The following ARL17A variants were observed in gnomAD, a reference collection of about 807,000 sequenced individuals.
ARL17A encodes the protein ADP-ribosylation factor-like 17-like.
chr17:46,504,721 CAT>C, the ARL17A span: 1 of 43,688 alleles, frequency 2.3e-5, no homozygotes, highest in East Asian at 3.8e-3. Context: ...TTTTCAGACA[CAT>C]ATCAAGCCTT....
intron 3 of ARL17A, among the ~76,000 whole-genome samples, chr17:46,541,887 C>T (rs1398222045): frequency 6.7e-6 from 1 of 149,748 alleles, no homozygotes; most frequent in Non-Finnish European, 1.5e-5. Flanking sequence ...CAATCCCCTG[C>T]AGACACCGAG....
downstream of ARL17A, chr17:46,549,277 G>C (rs1366136118): frequency 1.2e-6 from 2 of 1,610,964 alleles, no homozygotes; most frequent in Middle Eastern, 1.7e-4. Flanking sequence ...TGCTCCTTCA[G>C]AACATTTTAT....
rs1240508151 is a variant in ARL17A, at chr17:46,558,123, G to A, written c.260-493C>T. Among the ~76,000 whole-genome samples the A allele has an allele frequency of 3.1e-5, 4 of 128,734 alleles. 1 individual carries two copies. Among genetic ancestry groups the A allele is most frequent in the South Asian group, 2.3e-4 (1 of 4,256 alleles). 84.5% of individuals were successfully genotyped at this position (128,734 alleles called of 152,430 possible). A position where few individuals can be genotyped will look rare whatever the true frequency, so the allele number is the denominator to read the frequency against. ...TGCTCAGTCTGGAATGCAATGGCAC[G>A]ATCTCAGCTCACTGCATCCTCCGCC... On this transcript the variant is annotated intron_variant, in intron 3 of 3. Coordinates refer to ENST00000336125, the MANE Select transcript of ARL17A (RefSeq NM_001113738.2).
intron 4 of ARL17A, among the ~76,000 whole-genome samples, chr17:46,534,191 GT>G (rs1401077215): frequency 1.3e-5 from 2 of 149,018 alleles, no homozygotes; most frequent in African/African-American, 5.1e-5. Flanking sequence ...TTTTGTTTTT[GT>G]TTTTGTTTTT....
At chr17:46,560,309 T>TA (rs2057486130) in intron 3 of ARL17A, 3 of 11,782 alleles carry the variant, frequency 2.5e-4, no homozygotes, top group African/African-American at 1.3e-3. Flanking sequence ...TAGTGCTAAG[T>TA]ATTTGGCTTG....
Position 46,553,881 on chromosome 17 carries a change from TG to T in ARL17A, c.*3474del. 1 of 493,524 alleles carries T rather than the reference TG, an allele frequency of 2.0e-6. No homozygotes were observed. The highest frequency in any genetic ancestry group is 2.5e-6 in the Non-Finnish European group (1 of 397,216). The allele number at this position is 493,524 out of a possible 1,614,324, so 30.6% of individuals were successfully genotyped here. ...TTTTGGTGCCTATTGCTGCTGATGG[TG>T]GGCATCAGGCCAGGCCAGGGGCCTT... On this transcript the variant is annotated 3_prime_UTR_variant, in exon 4 of 4. Transcript: ENST00000336125.
chr17:46,500,925 A>G, the ARL17A span, among the ~76,000 whole-genome samples: 1 of 151,146 alleles, frequency 6.6e-6, no homozygotes, highest in Non-Finnish European at 1.5e-5. Flanking sequence ...CATGCCTGTA[A>G]TCCCAGCACT....
intron 4 of ARL17A, among the ~76,000 whole-genome samples, chr17:46,532,771 G>A (rs1016508467): frequency 6.8e-6 from 1 of 147,662 alleles, no homozygotes; most frequent in Non-Finnish European, 1.5e-5. Flanking sequence ...AAGAACAATA[G>A]TAATGTCCCC....
chr17:46,501,189 C>T, the ARL17A span, among the ~76,000 whole-genome samples: 1 of 151,108 alleles, frequency 6.6e-6, no homozygotes, highest in African/African-American at 2.5e-5. Context: ...GCTATATTGA[C>T]TTGTTTTTGA....
At chr17:46,519,778 GT>G (rs2052047901) in intron 3 of ARL17A, among the ~76,000 whole-genome samples, 1 of 149,924 alleles carries the variant, frequency 6.7e-6, no homozygotes, top group African/African-American at 2.5e-5. Context: ...TAGTTCTCCA[GT>G]TTTTTTGATG....
intron 3 of ARL17A, among the ~76,000 whole-genome samples, chr17:46,545,844 T>C (rs1035083603): frequency 6.7e-6 from 1 of 150,258 alleles, no homozygotes; most frequent in African/African-American, 2.5e-5. Flanking sequence ...CTATTTTTAA[T>C]GCCCAGAGTA....
At chr17:46,545,551 G>A (rs1321729416) in intron 3 of ARL17A, among the ~76,000 whole-genome samples, 6 of 126,996 alleles carry the variant, frequency 4.7e-5, no homozygotes, top group African/African-American at 7.5e-5. Flanking sequence ...TCACCCAAAT[G>A]TGCATCAATG....
intron 3 of ARL17A, among the ~76,000 whole-genome samples, chr17:46,522,600 A>C (rs1027687253): frequency 1.3e-4 from 9 of 68,554 alleles, no homozygotes; most frequent in African/African-American, 5.8e-4. Context: ...ACGTGCCACT[A>C]GGCCCGGCTA....
chr17:46,575,007 A>C (rs1347894382), intron 2 of ARL17A, among the ~76,000 whole-genome samples: 1 of 74,832 alleles, frequency 1.3e-5, no homozygotes, highest in Admixed American at 1.3e-4. Flanking sequence ...GAGGCATGAG[A>C]ATCGCCTGAA....
At chr17:46,541,307 A>G (rs1202705430) in intron 3 of ARL17A, among the ~76,000 whole-genome samples, 1 of 149,882 alleles carries the variant, frequency 6.7e-6, no homozygotes, top group Non-Finnish European at 1.5e-5. Context: ...GCTGCAGTGC[A>G]GCGGCATGAC....
chr17:46,539,640 G>A (rs2054909154), intron 3 of ARL17A, among the ~76,000 whole-genome samples: 1 of 136,496 alleles, frequency 7.3e-6, no homozygotes, highest in Non-Finnish European at 1.6e-5. Context: ...GTGGGTGCCT[G>A]TAATCCCAGC....
At position 46,553,500 on chromosome 17, in the gene ARL17A, T is replaced by G. The variant is rs2057031702; in HGVS notation, c.*3856A>C. On this transcript the variant is annotated 3_prime_UTR_variant, in exon 4 of 4. Coordinates refer to ENST00000336125, the MANE Select transcript of ARL17A (RefSeq NM_001113738.2). Reference sequence around the variant, plus strand: ...TTTTCTTCTCTTTTGAGACGGAGTTTCCCTCTTGTTGCCAGGCTGGAGTGC... The same window carrying G: ...TTTTCTTCTCTTTTGAGACGGAGTTGCCCTCTTGTTGCCAGGCTGGAGTGC... 6.2e-7 allele frequency: 1 copy of G among 1,606,428 alleles called. No homozygotes were observed. The highest frequency in any genetic ancestry group is 8.5e-7 in the Non-Finnish European group (1 of 1,179,424).
At chr17:46,519,642 GAC>G (rs1469057658) in intron 3 of ARL17A, among the ~76,000 whole-genome samples, 2 of 127,812 alleles carry the variant, frequency 1.6e-5, no homozygotes, top group Non-Finnish European at 3.2e-5. Flanking sequence ...TTGGGAAGCA[GAC>G]ACAGGAGGAT....
At chr17:46,534,399 C>T (rs749826434) in intron 4 of ARL17A, among the ~76,000 whole-genome samples, 204 of 147,098 alleles carry the variant, frequency 1.4e-3, no homozygotes, top group Middle Eastern at 6.8e-3. Context: ...GGTGATGACT[C>T]TTAACGAGCA....
Sources: gnomAD v4.1 joint callset for allele counts (sites outside exome capture counted in the v4.1 genomes callset) on GRCh38, gnomAD v4.1.1 for gene constraint, MANE v1.5 for transcripts, NCBI Gene and HGNC (gene_info 2026-07-23, HGNC 2026-07-21) for gene names.